The following PIGK variants were observed in gnomAD, a reference collection of about 807,000 sequenced individuals.
The protein encoded by PIGK is GPI-anchor transamidase.
PIGK carries 42 observed loss-of-function variants against 50.6 expected under a neutral mutation model. The ratio of observed to expected loss-of-function variants is 0.83; its 90% confidence interval spans 0.65 to 1.07. The LOEUF is 1.07. Among genes scored for constraint, PIGK ranks in the 50% least tolerant of loss-of-function variants. The pLI, the probability that PIGK is intolerant of heterozygous loss-of-function variation, is 0.00. For synonymous variants in PIGK, 151 were observed against 156.0 expected (o/e 0.97, Z 0.24); for missense variants, 448 against 488.7 (o/e 0.92, Z 0.78).
intron 10 of PIGK, among the ~76,000 whole-genome samples, chr1:77,109,236 G>A (rs1400612390): frequency 6.6e-6 from 1 of 152,286 alleles, no homozygotes. Context: ...AGAAAAAGAG[G>A]GAATCCTCCC....
intron 10 of PIGK, among the ~76,000 whole-genome samples, chr1:77,113,443 A>T (rs1653898264): frequency 1.3e-5 from 2 of 152,066 alleles, no homozygotes; most frequent in Admixed American, 1.3e-4. Context: ...TAATTGTTTT[A>T]GTTGTATGTA....
chr1:77,133,728 C>G (rs991687352), intron 9 of PIGK, among the ~76,000 whole-genome samples: 8 of 152,146 alleles, frequency 5.3e-5, no homozygotes, highest in African/African-American at 1.9e-4. Flanking sequence ...TTCATTACAC[C>G]TTAATGTGGC....
Position 77,090,011 on chromosome 1 carries a change from A to G in PIGK, c.*2363T>C, listed in dbSNP as rs555687355. On this transcript the variant is annotated 3_prime_UTR_variant, in exon 11 of 11. Coordinates refer to ENST00000370812, the MANE Select transcript of PIGK (RefSeq NM_005482.3). ...CACATTGAGTAGCTTAGAAAGCTAC[A>G]TAAGTGCACTGTGACCATTAACTTC... 1.3e-5 allele frequency: 2 copies of G among 152,374 alleles called. No individual in the cohort carries two copies. Among genetic ancestry groups the G allele is most frequent in the Non-Finnish European group, 1.5e-5 (1 of 68,036 alleles). The allele number at this position is 152,374 out of a possible 1,614,324, so 9.4% of individuals were successfully genotyped here.
chr1:77,114,602 A>C (rs1653922695), intron 10 of PIGK, among the ~76,000 whole-genome samples: 1 of 152,150 alleles, frequency 6.6e-6, no homozygotes, highest in Non-Finnish European at 1.5e-5. Flanking sequence ...AAATTTTCAA[A>C]CTTAAAAGTT....
chr1:77,154,425 C>T (rs1348853310), intron 9 of PIGK, 24 bp downstream of exon 9: 2 of 1,554,298 alleles, frequency 1.3e-6, no homozygotes, highest in Admixed American at 3.4e-5. Context: ...GTATTCTATT[C>T]AAATAATGGT....
chr1:77,203,279 A>G (rs1408277855), intron 3 of PIGK, among the ~76,000 whole-genome samples: 1 of 152,206 alleles, frequency 6.6e-6, no homozygotes, highest in Non-Finnish European at 1.5e-5. Flanking sequence ...TCTTCATCTT[A>G]ATCATACTAA....
At chr1:77,188,634 C>A (rs973263352) in intron 3 of PIGK, among the ~76,000 whole-genome samples, 1 of 152,190 alleles carries the variant, frequency 6.6e-6, no homozygotes, top group African/African-American at 2.4e-5. Context: ...GTCACCCACA[C>A]CTATTCACAC....
At chr1:77,155,741 C>A (rs530192508) in intron 8 of PIGK, among the ~76,000 whole-genome samples, 1 of 151,974 alleles carries the variant, frequency 6.6e-6, no homozygotes, top group African/African-American at 2.4e-5. Context: ...ATATTATAGG[C>A]CTGCCAGGAA....
chr1:77,178,152 T>G (rs1243966495), intron 3 of PIGK, among the ~76,000 whole-genome samples: 1 of 152,230 alleles, frequency 6.6e-6, no homozygotes, highest in Admixed American at 6.5e-5. Context: ...GATAAACTTA[T>G]GCCTTGACAG....
chr1:77,180,979 A>G (rs1421999176), intron 3 of PIGK, among the ~76,000 whole-genome samples: 1 of 152,188 alleles, frequency 6.6e-6, no homozygotes, highest in African/African-American at 2.4e-5. Flanking sequence ...AGATAAAAAC[A>G]AAGAAAACTG....
chr1:77,148,760 G>A (rs1295910144), intron 9 of PIGK, among the ~76,000 whole-genome samples: 1 of 151,116 alleles, frequency 6.6e-6, no homozygotes, highest in Non-Finnish European at 1.5e-5. Context: ...CTGTCGCCAA[G>A]CTGGAGTGCA....
chr1:77,139,529 C>T (rs1570215102), intron 9 of PIGK, among the ~76,000 whole-genome samples: 1 of 152,256 alleles, frequency 6.6e-6, no homozygotes, highest in East Asian at 1.9e-4. Flanking sequence ...CAAAAGGAGA[C>T]AGTCTGAGCT....
chr1:77,129,225 G>C, intron 9 of PIGK: 6 of 1,599,966 alleles, frequency 3.8e-6, no homozygotes, highest in Non-Finnish European at 5.1e-6. Context: ...GGCCATCAAG[G>C]GTATGCATAT....
rs1655176719 is a variant in PIGK at position 77,163,753 on chromosome 1, T to TA, written c.584+92dup. The TA allele has an allele frequency of 4.0e-4, 281 of 695,728 alleles. 4 individuals are homozygous for TA. In the South Asian group the frequency reaches 5.1e-3, roughly 13 times the overall value. 43.1% of individuals were successfully genotyped at this position (695,728 alleles called of 1,614,324 possible). ...AGTCAAAGAAATTGTCAAAATAAGTTAAAAATCTTAAAAAATAAAAATTAC... is the reference window on the plus strand; with the variant it reads ...AGTCAAAGAAATTGTCAAAATAAGTTAAAAAATCTTAAAAAATAAAAATTAC... On this transcript the variant is annotated intron_variant, in intron 6 of 10. Transcript: ENST00000370812.
At position 77,146,384 on chromosome 1, in the gene PIGK, T is replaced by G. The variant is rs567623837; in HGVS notation, c.986+8065A>C. 2.6e-5 allele frequency among the ~76,000 whole-genome samples: 4 copies of G among 152,224 alleles called. No homozygotes were observed. In the South Asian group the frequency reaches 8.3e-4, roughly 32 times the overall value. On this transcript the variant is annotated intron_variant, in intron 9 of 10. Transcript: ENST00000370812. ...AAGACATCACTAAGAAAATGAGGCT[T>G]GGCACCACAGCTCATGCCTCTAATC... is the stretch of plus-strand genomic sequence containing the variant.
chr1:77,131,698 A>T (rs191935225), intron 9 of PIGK, among the ~76,000 whole-genome samples: 33 of 152,242 alleles, frequency 2.2e-4, no homozygotes, highest in Non-Finnish European at 4.4e-4. Context: ...GATATGATGA[A>T]ATACACTAGT....
At chr1:77,172,992 C>T (rs898319351) in intron 3 of PIGK, among the ~76,000 whole-genome samples, 9 of 151,996 alleles carry the variant, frequency 5.9e-5, no homozygotes, top group Non-Finnish European at 1.3e-4. Context: ...TCATTTTTCT[C>T]GTGCACTTAG....
At chr1:77,196,355 T>C (rs1243941154) in intron 3 of PIGK, among the ~76,000 whole-genome samples, 1 of 152,236 alleles carries the variant, frequency 6.6e-6, no homozygotes, top group East Asian at 1.9e-4. Context: ...AATAATGGGA[T>C]TGGTGGGTCA....
At chr1:77,144,586 T>C (rs1043974286) in intron 9 of PIGK, among the ~76,000 whole-genome samples, 2 of 151,902 alleles carry the variant, frequency 1.3e-5, no homozygotes, top group African/African-American at 4.8e-5. Flanking sequence ...CACAAAGGGA[T>C]ATGGTACTAT....
Sources: gnomAD v4.1 joint callset for allele counts (sites outside exome capture counted in the v4.1 genomes callset) on GRCh38, gnomAD v4.1.1 for gene constraint, MANE v1.5 for transcripts, NCBI Gene and HGNC (gene_info 2026-07-23, HGNC 2026-07-21) for gene names.